OR51B5: variants seen among roughly 807,000 people sequenced by gnomAD.
OR51B5 encodes the protein olfactory receptor family 51 subfamily B member 5, also known as olfactory receptor 51B5.
For missense variants in OR51B5, 456 were observed against 374.6 expected, an observed-to-expected ratio of 1.22 and a Z score of -1.79; for synonymous variants, 186 against 144.8, an observed-to-expected ratio of 1.28 and a Z score of -2.04.
At chr11:5,341,533 ACCTCC>A (rs1848892695), downstream of OR51B5, among the ~76,000 whole-genome samples, 1 of 152,004 alleles carries the variant, frequency 6.6e-6, no homozygotes, top group Admixed American at 6.6e-5. Flanking sequence ...TTAAGACATA[ACCTCC>A]CTCTTTTTAG....
chr11:5,484,904 CT>C (rs1420403409), intron 1 of OR51B5, among the ~76,000 whole-genome samples: 1 of 152,166 alleles, frequency 6.6e-6, no homozygotes, highest in East Asian at 1.9e-4. Context: ...AGTTTTTATG[CT>C]CCAATACATG....
At chr11:5,342,431 G>T, downstream of OR51B5, 2 of 455,530 alleles carry the variant, frequency 4.4e-6, no homozygotes, top group Non-Finnish European at 5.8e-6. Context: ...TAAAGAGTTG[G>T]GCTTAAAGAG....
chr11:5,440,789 G>T (rs760564658), intron 1 of OR51B5: 1 of 1,613,940 alleles, frequency 6.2e-7, no homozygotes, highest in Non-Finnish European at 8.5e-7. Flanking sequence ...GTGACATGCA[G>T]GTGTTGAGTG....
At chr11:5,360,734 A>T (rs12292741) in intron 1 of OR51B5, among the ~76,000 whole-genome samples, 143 of 150,102 alleles carry the variant, frequency 9.5e-4, no homozygotes, top group African/African-American at 3.4e-3. Context: ...AAGACTTGGA[A>T]CCAACCCAAA....
intron 1 of OR51B5, among the ~76,000 whole-genome samples, chr11:5,491,309 A>G (rs992154034): frequency 1.3e-5 from 2 of 152,242 alleles, no homozygotes; most frequent in Non-Finnish European, 2.9e-5. Context: ...AGCAATTACA[A>G]GAAAAAGTAT....
intron 1 of OR51B5, among the ~76,000 whole-genome samples, chr11:5,354,071 T>C (rs890972094): frequency 6.6e-6 from 1 of 152,218 alleles, no homozygotes. Context: ...ACTTCTCACA[T>C]AGACCATTTT....
At chr11:5,393,751 A>G (rs1849830212) in intron 1 of OR51B5, among the ~76,000 whole-genome samples, 1 of 152,160 alleles carries the variant, frequency 6.6e-6, no homozygotes, top group Non-Finnish European at 1.5e-5. Context: ...GGGAGGTATT[A>G]TTATTTTCAA....
chr11:5,407,389 C>T (rs530630218), intron 1 of OR51B5, among the ~76,000 whole-genome samples: 3 of 152,270 alleles, frequency 2.0e-5, no homozygotes, highest in Non-Finnish European at 2.9e-5. Context: ...GCCTTAAATA[C>T]ATGAAACTTT....
At chr11:5,395,807 T>C (rs1255905106) in intron 1 of OR51B5, among the ~76,000 whole-genome samples, 2 of 152,176 alleles carry the variant, frequency 1.3e-5, no homozygotes, top group East Asian at 1.9e-4. Context: ...AGCTCATGGC[T>C]TCCCACTCCA....
intron 1 of OR51B5, chr11:5,352,494 A>G (rs5024040): frequency 0.25 from 298,101 of 1,192,358 alleles, 38,988 homozygotes; most frequent in African/African-American, 0.31. Context: ...CCTGGACAGG[A>G]TGACAATGTT....
Position 5,352,415 on chromosome 11 carries a change from G to A in OR51B5, n.85-5505C>T, listed in dbSNP as rs180742146. The A allele has an allele frequency of 3.6e-4, 574 of 1,608,456 alleles. 3 individuals are homozygous for A. The East Asian group carries it at 0.01, about 29-fold the overall frequency. On this transcript the variant is annotated intron_variant and non_coding_transcript_variant, in intron 1 of 4. Transcript: ENST00000415970. ...AAGCAGATTCAGAGTGGCATACTTC[G>A]TTTATTCTCTCTGCCTCACTCTAGA...
Position 5,499,774 on chromosome 11 carries a change from C to T in OR51B5, n.84+5795G>A, listed in dbSNP as rs1363988221. On this transcript the variant is annotated intron_variant and non_coding_transcript_variant, in intron 1 of 4. Transcript: ENST00000415970. ...TGACACAAGTCTAAACAATCTCTTCCCTGGACTTCTGCAGATCCAAGTACT... is the reference window on the plus strand; with the variant it reads ...TGACACAAGTCTAAACAATCTCTTCTCTGGACTTCTGCAGATCCAAGTACT... 2.6e-5 allele frequency among the ~76,000 whole-genome samples: 4 copies of T among 152,176 alleles called. No homozygotes were observed. The East Asian group carries it at 7.7e-4, about 29-fold the overall frequency.
intron 1 of OR51B5, among the ~76,000 whole-genome samples, chr11:5,387,926 C>G (rs1372991631): frequency 6.6e-6 from 1 of 152,036 alleles, no homozygotes; most frequent in Non-Finnish European, 1.5e-5. Context: ...ATTTTTGTCT[C>G]TGTTCTGTTT....
chr11:5,351,562 G>A, intron 1 of OR51B5: 1 of 1,614,012 alleles, frequency 6.2e-7, no homozygotes, highest in Non-Finnish European at 8.5e-7. Context: ...CCCAGGCATG[G>A]AGAAGGCACA....
intron 1 of OR51B5, chr11:5,389,946 C>G: frequency 6.2e-7 from 1 of 1,611,360 alleles, no homozygotes; most frequent in South Asian, 1.1e-5. Flanking sequence ...TACTGTGGAT[C>G]TGTGGTCCTC....
upstream of OR51B5, chr11:5,346,194 T>C (rs1228445653): frequency 6.6e-6 from 1 of 150,984 alleles, no homozygotes; most frequent in Non-Finnish European, 1.5e-5. Flanking sequence ...TGATTGTATT[T>C]TGCCAATAAT....
chr11:5,464,022 C>T (rs2647594), intron 1 of OR51B5, among the ~76,000 whole-genome samples: 1 of 152,274 alleles, frequency 6.6e-6, no homozygotes, highest in Admixed American at 6.5e-5. Context: ...AAGGCAAATA[C>T]CCCAGAACTA....
chr11:5,386,834 G>C (rs1337026345), intron 1 of OR51B5, among the ~76,000 whole-genome samples: 2 of 123,510 alleles, frequency 1.6e-5, no homozygotes, highest in Non-Finnish European at 3.6e-5. Context: ...GGGTTGAGTA[G>C]AGCATCAGCT....
intron 1 of OR51B5, among the ~76,000 whole-genome samples, chr11:5,356,460 G>A (rs1433379693): frequency 6.7e-6 from 1 of 148,860 alleles, no homozygotes; most frequent in Non-Finnish European, 1.5e-5. Context: ...AAGCCTCCAA[G>A]AAATATGGGA....
Sources: gnomAD v4.1 joint callset for allele counts (sites outside exome capture counted in the v4.1 genomes callset) on GRCh38, gnomAD v4.1.1 for gene constraint, MANE v1.5 for transcripts, NCBI Gene and HGNC (gene_info 2026-07-23, HGNC 2026-07-21) for gene names.